Variants in DHX40 observed in about 807,000 individuals in gnomAD.
DHX40 encodes probable ATP-dependent RNA helicase DHX40.
In DHX40, 28 loss-of-function variants were observed where a neutral mutation model predicts 89.6. The observed-to-expected ratio is 0.31, with a 90% CI of 0.23 to 0.43. The LOEUF (loss-of-function observed/expected upper bound fraction) is 0.43, where lower values mean the gene tolerates loss of function less well. Among genes scored for constraint, DHX40 ranks in the 20% least tolerant of loss-of-function variants. The pLI is 1.00. For synonymous variants in DHX40, 226 were observed against 283.6 expected, an observed-to-expected ratio of 0.80 and a Z score of 2.04; for missense variants, 457 against 844.0, an observed-to-expected ratio of 0.54 and a Z score of 5.68.
At chr17:59,591,908 G>T (rs1012442951) in intron 12 of DHX40, among the ~76,000 whole-genome samples, 1 of 151,840 alleles carries the variant, frequency 6.6e-6, no homozygotes, top group African/African-American at 2.4e-5. Flanking sequence ...TCACTCTGTT[G>T]CCCAGGCAGT....
intron 1 of DHX40, 64 bp from the exon 2 acceptor site, chr17:59,566,563 T>G: frequency 3.9e-5 from 56 of 1,450,042 alleles, no homozygotes; most frequent in Non-Finnish European, 5.0e-5. Context: ...GTTTTAGTCA[T>G]GAGAAATTGA....
intron 2 of DHX40, among the ~76,000 whole-genome samples, chr17:59,569,688 A>AAAAGAAAAAAATATATATATATCT (rs2048760471): frequency 6.9e-6 from 1 of 143,958 alleles, no homozygotes; most frequent in Non-Finnish European, 1.5e-5. Context: ...TCCGTCTCAA[A>AAAAGAAAAAAATATATATATATCT]AAAGAAAAAA....
chr17:59,569,232 G>A (rs1327402858), intron 2 of DHX40, among the ~76,000 whole-genome samples: 2 of 152,116 alleles, frequency 1.3e-5, no homozygotes, highest in Non-Finnish European at 2.9e-5. Flanking sequence ...GGCGGCTGAG[G>A]CAGGAGAATT....
At chr17:59,606,173 G>A (rs1056120008) in intron 17 of DHX40, among the ~76,000 whole-genome samples, 1 of 151,966 alleles carries the variant, frequency 6.6e-6, no homozygotes, top group Non-Finnish European at 1.5e-5. Flanking sequence ...AGCCTCCTGA[G>A]TAGCTGGATT....
chr17:59,565,617 C>A lies in DHX40; in HGVS notation c.-55C>A. 6.6e-6 allele frequency: 10 copies of A among 1,506,482 alleles called. 1 individual carries two copies. The highest frequency in any genetic ancestry group is 1.8e-4 in the Middle Eastern group (1 of 5,712). The allele number at this position is 1,506,482 out of a possible 1,614,324, so 93.3% of individuals were successfully genotyped here. On this transcript the variant is annotated 5_prime_UTR_variant, in exon 1 of 18. Coordinates refer to ENST00000251241, the MANE Select transcript of DHX40 (RefSeq NM_024612.5). ...TCATCAGGGCGCGTCCTCGTCTTTC[C>A]CCTCCCATCTCCTCAGATCGGTGGA...
At chr17:59,575,588 T>C (rs2048869880) in intron 7 of DHX40, 117 bp downstream of exon 7, 2 of 780,366 alleles carry the variant, frequency 2.6e-6, no homozygotes, top group Non-Finnish European at 4.3e-6. Flanking sequence ...CAAACCAGTC[T>C]CACCTTTGTA....
Position 59,566,095 on chromosome 17 carries a change from C to T in DHX40, c.112+312C>T, listed in dbSNP as rs537135198. Among the ~76,000 whole-genome samples, 14 of 152,266 alleles carry T rather than the reference C, an allele frequency of 9.2e-5. No individual in the cohort carries two copies. In the South Asian group the frequency reaches 2.7e-3, roughly 29 times the overall value. On this transcript the variant is annotated intron_variant, in intron 1 of 17. Coordinates refer to ENST00000251241, the MANE Select transcript of DHX40 (RefSeq NM_024612.5). ...CTACCCATTCATCCCCCCCACCCTTCGTCGGGCCGCCAGCCTGCCTTTGGG... is the reference window on the plus strand; with the variant it reads ...CTACCCATTCATCCCCCCCACCCTTTGTCGGGCCGCCAGCCTGCCTTTGGG...
At chr17:59,591,597 A>T (rs2049083385) in intron 12 of DHX40, among the ~76,000 whole-genome samples, 1 of 151,092 alleles carries the variant, frequency 6.6e-6, no homozygotes, top group African/African-American at 2.4e-5. Context: ...TTTGGGTGAC[A>T]TTTATTCTTA....
At position 59,587,736 on chromosome 17, in the gene DHX40, G is replaced by A. The variant is rs1598159276; in HGVS notation, c.1425-160G>A. ...GCTTCCCAAAGTGCTAGGATTACAG[G>A]CATGAGCCACCACGCCTGGCCTAAT... On this transcript the variant is annotated intron_variant, in intron 11 of 17. Coordinates refer to ENST00000251241, the MANE Select transcript of DHX40 (RefSeq NM_024612.5). Among the ~76,000 whole-genome samples, 3 of 152,080 alleles carry A rather than the reference G, an allele frequency of 2.0e-5. No individual in the cohort carries two copies. In the South Asian group the frequency reaches 6.2e-4, roughly 32 times the overall value.
chr17:59,569,509 T>C (rs2048757653), intron 2 of DHX40, among the ~76,000 whole-genome samples: 1 of 149,888 alleles, frequency 6.7e-6, no homozygotes, highest in South Asian at 2.1e-4. Context: ...TGAATTCTAA[T>C]TTAAAAAATA....
At chr17:59,567,891 C>T (rs2048729872) in intron 2 of DHX40, among the ~76,000 whole-genome samples, 1 of 145,548 alleles carries the variant, frequency 6.9e-6, no homozygotes. Flanking sequence ...GAGATCGTGC[C>T]ACTGTACTCC....
chr17:59,607,122 A>G lies in DHX40; in HGVS notation c.2290A>G (p.Lys764Glu). ...TGCACGGGCTCGTTTCCTTGAGAGA[A>G]AGCAGCAGAGGACCCAGGACCACAG... ...SDARARFLER[K>E]QQRTQDHSDT... Residue 764 changes from lysine (K) to glutamate (E), a missense_variant, in exon 18 of 18, where the codon AAG (lysine) becomes GAG (glutamate). Coordinates refer to ENST00000251241, the MANE Select transcript of DHX40 (RefSeq NM_024612.5). The G allele has an allele frequency of 1.2e-6, 2 of 1,614,220 alleles. No individual in the cohort carries two copies. The highest frequency in any genetic ancestry group is 1.7e-6 in the Non-Finnish European group (2 of 1,180,032).
chr17:59,605,848 C>T (rs1211564067), intron 17 of DHX40, 174 bp downstream of exon 17: 1 of 696,952 alleles, frequency 1.4e-6, no homozygotes. Flanking sequence ...ACCTGTAGTC[C>T]CAGTGACTTG....
chr17:59,606,694 C>T (rs1487946355), intron 17 of DHX40, among the ~76,000 whole-genome samples: 3 of 149,132 alleles, frequency 2.0e-5, no homozygotes, highest in South Asian at 2.1e-4. Flanking sequence ...TGCAGTGAGC[C>T]GAGATTGCGC....
At chr17:59,591,122 G>A (rs1284714225) in intron 12 of DHX40, among the ~76,000 whole-genome samples, 2 of 151,564 alleles carry the variant, frequency 1.3e-5, no homozygotes, top group Admixed American at 6.6e-5. Context: ...CAGCCTGGCC[G>A]ACATGGTGAA....
At chr17:59,605,244 T>C in intron 16 of DHX40, 60 bp downstream of exon 16, 1 of 1,502,028 alleles carries the variant, frequency 6.7e-7, no homozygotes, top group Non-Finnish European at 9.2e-7. Context: ...ATAAGTAATA[T>C]ACAAATGTCT....
Position 59,607,337 on chromosome 17 carries a change from C to A in DHX40, c.*165C>A. On this transcript the variant is annotated 3_prime_UTR_variant, in exon 18 of 18. Transcript: ENST00000251241. ...CTCATAAATCAAAGCTCATCAGTTC[C>A]CATAAATGCAGTTGTCAAAGAAAAG... The A allele has an allele frequency of 2.2e-6, 3 of 1,380,828 alleles. No homozygotes were observed. The highest frequency in any genetic ancestry group is 3.0e-6 in the Non-Finnish European group (3 of 1,001,918). 85.5% of individuals were successfully genotyped at this position (1,380,828 alleles called of 1,614,324 possible). A position where few individuals can be genotyped will look rare whatever the true frequency, so the allele number is the denominator to read the frequency against.
intron 12 of DHX40, among the ~76,000 whole-genome samples, chr17:59,593,934 G>A (rs1405390668): frequency 6.7e-6 from 1 of 148,934 alleles, no homozygotes; most frequent in African/African-American, 2.5e-5. Context: ...ATTGGTCGGA[G>A]GTTGTACCTA....
At position 59,573,705 on chromosome 17, in the gene DHX40, A is replaced by G. The variant is rs368062496; in HGVS notation, c.547-35A>G. 7.4e-5 allele frequency: 119 copies of G among 1,606,008 alleles called. No individual in the cohort carries two copies. The African/African-American group carries it at 7.9e-4, about 11-fold the overall frequency. On this transcript the variant is annotated intron_variant, in intron 4 of 17. Coordinates refer to ENST00000251241, the MANE Select transcript of DHX40 (RefSeq NM_024612.5). ...CTAAAATAGTTTGGCTGTTAAGTGTACTTGTGACTTACTAGAAATTTACTT... is the reference window on the plus strand; with the variant it reads ...CTAAAATAGTTTGGCTGTTAAGTGTGCTTGTGACTTACTAGAAATTTACTT...
Sources: allele counts gnomAD v4.1 joint callset (sites outside exome capture counted in the v4.1 genomes callset), GRCh38; gene constraint gnomAD v4.1.1; transcripts MANE v1.5; gene names NCBI Gene and HGNC (gene_info 2026-07-23, HGNC 2026-07-21).